Variants in KIF26B observed in about 807,000 individuals in gnomAD.
KIF26B encodes the protein kinesin family member 26B.
KIF26B carries 63 observed loss-of-function variants against 151.2 expected under a neutral mutation model. The observed-to-expected ratio is 0.42, with a 90% CI of 0.34 to 0.51. KIF26B has a LOEUF of 0.51. Ranked by LOEUF, KIF26B falls within the 20% of genes least tolerant of loss-of-function variation. KIF26B has a pLI of 0.07. For missense variants in KIF26B, 2,813 were observed against 2,913.6 expected (o/e 0.97, Z 0.79); for synonymous variants, 1,357 against 1,262.1 (o/e 1.08, Z -1.59).
rs191162763 is a variant in KIF26B at position 245,270,944 on chromosome 1, G to C, written c.466-95890G>C. 6.6e-4 allele frequency among the ~76,000 whole-genome samples: 100 copies of C among 152,322 alleles called. 1 individual carries two copies. Among genetic ancestry groups the C allele is most frequent in the Middle Eastern group, 6.8e-3 (2 of 294 alleles). On this transcript the variant is annotated intron_variant, in intron 2 of 14. Coordinates refer to ENST00000407071, the MANE Select transcript of KIF26B (RefSeq NM_018012.4). ...TGAGTTGAGGTTTATGTATGCGTAA[G>C]ATAAGGATCCAATGCTTCTTTTGCA...
chr1:245,599,791 A>G (rs2043372355), intron 5 of KIF26B, among the ~76,000 whole-genome samples: 1 of 152,154 alleles, frequency 6.6e-6, no homozygotes, highest in Admixed American at 6.5e-5. Context: ...TGTAGGAATG[A>G]GTGGAACTGA....
At chr1:245,562,018 C>T (rs982173401) in intron 5 of KIF26B, among the ~76,000 whole-genome samples, 27 of 152,140 alleles carry the variant, frequency 1.8e-4, no homozygotes, top group Admixed American at 7.2e-4. Context: ...TTGCGGATTG[C>T]AGCTGTTTCA....
At chr1:245,465,975 A>C (rs1100095) in intron 4 of KIF26B, among the ~76,000 whole-genome samples, 124,190 of 152,242 alleles carry the variant, frequency 0.82, 50,909 homozygotes, top group African/African-American at 0.88. Flanking sequence ...GGCGCAGAGC[A>C]GAGTAGAGAG....
intron 9 of KIF26B, among the ~76,000 whole-genome samples, chr1:245,638,844 T>G (rs2103178786): frequency 6.6e-6 from 1 of 151,974 alleles, no homozygotes; most frequent in East Asian, 1.9e-4. Context: ...CCTACTTGAT[T>G]ATGGTGAATG....
At chr1:245,659,376 C>G (rs185676628) in intron 10 of KIF26B, among the ~76,000 whole-genome samples, 63 of 152,300 alleles carry the variant, frequency 4.1e-4, no homozygotes, top group African/African-American at 1.5e-3. Context: ...TTTGTGGTAG[C>G]CTGCCCAGCT....
chr1:245,231,262 C>A (rs1669990706), intron 2 of KIF26B, among the ~76,000 whole-genome samples: 2 of 152,160 alleles, frequency 1.3e-5, no homozygotes, highest in Non-Finnish European at 2.9e-5. Flanking sequence ...CATCCATAAT[C>A]CCAGCACTTT....
rs553563354 is a variant in KIF26B, at chr1:245,508,992, C to G, written c.1167-31775C>G. On this transcript the variant is annotated intron_variant, in intron 4 of 14. Transcript: ENST00000407071. ...TTTCTTTACTGTGAAGTGTATCATG[C>G]ATGAAAATAGTGTGTGAAATGGAGG... Among the ~76,000 whole-genome samples, 161 of 152,268 alleles carry G rather than the reference C, an allele frequency of 1.1e-3. 1 individual carries two copies. Among genetic ancestry groups the G allele is most frequent in the African/African-American group, 3.4e-3 (140 of 41,554 alleles).
At chr1:245,188,211 T>A (rs1272529287) in intron 2 of KIF26B, among the ~76,000 whole-genome samples, 1 of 129,140 alleles carries the variant, frequency 7.7e-6, no homozygotes, top group Non-Finnish European at 1.5e-5. Context: ...TCCCAGGAGG[T>A]GGAGGTTGCA....
chr1:245,551,048 T>C (rs892287109), intron 5 of KIF26B, among the ~76,000 whole-genome samples: 1 of 152,172 alleles, frequency 6.6e-6, no homozygotes, highest in African/African-American at 2.4e-5. Flanking sequence ...CCTTGTTTTA[T>C]GTAAATATAT....
rs113226658 is a variant in KIF26B at position 245,326,942 on chromosome 1, C to G, written c.466-39892C>G. ...CTTCTTCTTGCCTTCACATCCATCT[C>G]TCAGTCTTTGTTTCCTATCGCTTAC... On this transcript the variant is annotated intron_variant, in intron 2 of 14. Coordinates refer to ENST00000407071, the MANE Select transcript of KIF26B (RefSeq NM_018012.4). 1.4e-3 allele frequency among the ~76,000 whole-genome samples: 220 copies of G among 152,338 alleles called. 1 individual carries two copies. Among genetic ancestry groups the G allele is most frequent in the African/African-American group, 5.1e-3 (210 of 41,574 alleles).
intron 4 of KIF26B, among the ~76,000 whole-genome samples, chr1:245,421,603 G>A (rs536028793): frequency 8.9e-4 from 135 of 152,240 alleles, no homozygotes; most frequent in African/African-American, 2.8e-3. Flanking sequence ...TTTCTAACCT[G>A]AAATTCTTTG....
chr1:245,553,498 A>G (rs1661942501), intron 5 of KIF26B, among the ~76,000 whole-genome samples: 1 of 152,050 alleles, frequency 6.6e-6, no homozygotes, highest in Non-Finnish European at 1.5e-5. Context: ...ATCATCTCAG[A>G]TAGCTTTGTG....
In KIF26B at chr1:245,688,363, G is replaced by A; in HGVS notation, c.5380G>A (p.Gly1794Ser). Residue 1794 changes from glycine (G) to serine (S), a missense_variant, in exon 12 of 15, where the codon GGC becomes AGC. Gly to Ser is a moderately conservative substitution (Grantham distance 56, BLOSUM62 0). Coordinates refer to ENST00000407071, the MANE Select transcript of KIF26B (RefSeq NM_018012.4). ...GTCCCTCAGCAGGAACAGGAGCTCG[G>A]GCCTGGCCTCCAAGCTTCCCCTGCG... ...TQSLSRNRSS[G>S]LASKLPLRAV... is the part of the protein sequence containing the mutation. 2 of 1,556,538 alleles carry A rather than the reference G, an allele frequency of 1.3e-6. No individual in the cohort carries two copies. The highest frequency in any genetic ancestry group is 1.7e-6 in the Non-Finnish European group (2 of 1,160,038).
chr1:245,549,580 C>T (rs1661829231), intron 5 of KIF26B, among the ~76,000 whole-genome samples: 2 of 152,034 alleles, frequency 1.3e-5, no homozygotes, highest in South Asian at 2.1e-4. Context: ...AAAATGGGAT[C>T]GATAGAAATA....
intron 2 of KIF26B, among the ~76,000 whole-genome samples, chr1:245,307,382 C>T (rs1671574763): frequency 6.6e-6 from 1 of 151,280 alleles, no homozygotes; most frequent in African/African-American, 2.4e-5. Flanking sequence ...TTCCTTGGCT[C>T]CTCTGCTAAT....
intron 4 of KIF26B, among the ~76,000 whole-genome samples, chr1:245,467,271 C>G (rs1042985520): frequency 6.6e-6 from 1 of 152,188 alleles, no homozygotes; most frequent in Admixed American, 6.5e-5. Flanking sequence ...AAAGTGGCAC[C>G]AAGATGATGC....
chr1:245,541,513 G>A (rs1661620998), intron 5 of KIF26B, among the ~76,000 whole-genome samples: 1 of 152,196 alleles, frequency 6.6e-6, no homozygotes, highest in East Asian at 1.9e-4. Context: ...AGCTACACTT[G>A]GGATCACTTT....
Position 245,609,519 on chromosome 1 carries a change from C to T in KIF26B, c.1905C>T (p.Cys635=), listed in dbSNP as rs758036026. The part of the protein sequence containing the change: ...PGVYLCEDPI[C]GTQLQNQSEL... ...TGTACCTCTGTGAGGACCCCATCTGCGGCACGCAGGTGATTGCTTCTGAAG... is the reference window on the plus strand; with the variant it reads ...TGTACCTCTGTGAGGACCCCATCTGTGGCACGCAGGTGATTGCTTCTGAAG... The change falls in exon 8 of 15, where the codon TGC becomes TGT. Residue 635 remains cysteine (C), a synonymous_variant. Coordinates refer to ENST00000407071, the MANE Select transcript of KIF26B (RefSeq NM_018012.4). The T allele has an allele frequency of 2.7e-5, 42 of 1,550,008 alleles. No homozygotes were observed. The highest frequency in any genetic ancestry group is 3.5e-4 in the Middle Eastern group (2 of 5,674).
At chr1:245,325,338 T>C (rs1671968536) in intron 2 of KIF26B, among the ~76,000 whole-genome samples, 1 of 152,176 alleles carries the variant, frequency 6.6e-6, no homozygotes, top group South Asian at 2.1e-4. Context: ...ACCGTGAGCG[T>C]CATTTGTTGA....
Sources: allele counts gnomAD v4.1 joint callset (sites outside exome capture counted in the v4.1 genomes callset), GRCh38; gene constraint gnomAD v4.1.1; transcripts MANE v1.5; gene names NCBI Gene and HGNC (gene_info 2026-07-23, HGNC 2026-07-21).